TXK: variants seen among roughly 807,000 people sequenced by gnomAD.
TXK encodes tyrosine-protein kinase TXK.
In TXK, 60 loss-of-function variants were observed where a neutral mutation model predicts 81.0. That is an observed-to-expected ratio of 0.74 (90% confidence interval 0.60 to 0.92). The LOEUF (loss-of-function observed/expected upper bound fraction) is 0.92. Among genes scored for constraint, TXK ranks in the 40% least tolerant of loss-of-function variants. TXK has a pLI of 0.00. For synonymous variants in TXK, 203 were observed against 210.7 expected (o/e 0.96, Z 0.32); for missense variants, 581 against 638.3 (o/e 0.91, Z 0.97).
chr4:48,128,772 T>A (rs1473581419), intron 1 of TXK, among the ~76,000 whole-genome samples: 1 of 151,934 alleles, frequency 6.6e-6, no homozygotes, highest in Admixed American at 6.6e-5. Context: ...TTTCACTGTG[T>A]TAGTCAGGAT....
At chr4:48,100,461 A>T (rs971268679) in intron 6 of TXK, among the ~76,000 whole-genome samples, 1 of 152,240 alleles carries the variant, frequency 6.6e-6, no homozygotes, top group Non-Finnish European at 1.5e-5. Context: ...AATGCTTAGC[A>T]TTCCCAGAAT....
intron 5 of TXK, among the ~76,000 whole-genome samples, chr4:48,105,688 A>C (rs1718431415): frequency 6.6e-6 from 1 of 152,194 alleles, no homozygotes; most frequent in Admixed American, 6.5e-5. Context: ...CTAATATAAA[A>C]TTTTTAAAAA....
chr4:48,100,599 T>G (rs1718156242), intron 6 of TXK, among the ~76,000 whole-genome samples: 2 of 152,222 alleles, frequency 1.3e-5, no homozygotes, highest in African/African-American at 2.4e-5. Context: ...GGTAGGCATA[T>G]AAATTGATAC....
At chr4:48,072,245 C>T (rs1407826437) in intron 13 of TXK, among the ~76,000 whole-genome samples, 5 of 152,180 alleles carry the variant, frequency 3.3e-5, no homozygotes, top group African/African-American at 7.2e-5. Context: ...TCAGGTGATT[C>T]GACCACCTCA....
intron 9 of TXK, 26 bp from the exon 10 acceptor site, chr4:48,086,663 C>G (rs1475348101): frequency 2.5e-6 from 4 of 1,603,692 alleles, no homozygotes; most frequent in Admixed American, 3.4e-5. Context: ...ATCCATGTTA[C>G]AAGTAGAAAG....
intron 9 of TXK, 76 bp downstream of exon 9, chr4:48,089,674 G>A (rs1314661908): frequency 2.4e-6 from 3 of 1,245,974 alleles, no homozygotes; most frequent in South Asian, 2.5e-5. Context: ...TTACAGCTGT[G>A]AGCCACCGCA....
At chr4:48,067,854 A>AGGGAGTCCCCTTTATCCCATG in intron 14 of TXK, 149 bp from the exon 15 acceptor site, 1 of 739,940 alleles carries the variant, frequency 1.4e-6, no homozygotes. Context: ...GCAAAAATTC[A>AGGGAGTCCCCTTTATCCCATG]AAAAATTGCC....
At chr4:48,117,213 C>A (rs1228007328) in intron 1 of TXK, among the ~76,000 whole-genome samples, 1 of 152,114 alleles carries the variant, frequency 6.6e-6, no homozygotes, top group Admixed American at 6.5e-5. Flanking sequence ...ATCATATATG[C>A]CCTCTTCCAT....
At chr4:48,087,217 A>G (rs1396506880) in intron 9 of TXK, among the ~76,000 whole-genome samples, 1 of 151,514 alleles carries the variant, frequency 6.6e-6, no homozygotes, top group Non-Finnish European at 1.5e-5. Flanking sequence ...CTCATTTTAT[A>G]GAAGCAAATC....
In TXK at chr4:48,066,449, T is replaced by C. The variant is rs1486939628; in HGVS notation, c.*1188A>G. ...TGTCATTGATATATAAAGATACCAT[T>C]CTTTGAGTGGGGGAAATATAATTTA... On this transcript the variant is annotated 3_prime_UTR_variant, in exon 15 of 15. Transcript: ENST00000264316. The C allele has an allele frequency of 1.3e-5, 2 of 152,178 alleles. No individual in the cohort carries two copies. The highest frequency in any genetic ancestry group is 4.8e-5 in the African/African-American group (2 of 41,434). The allele number at this position is 152,178 out of a possible 1,614,324, so 9.4% of individuals were successfully genotyped here. A position where few individuals can be genotyped will look rare whatever the true frequency, so the allele number is the denominator to read the frequency against.
chr4:48,082,400 G>A (rs1717342678), intron 10 of TXK, among the ~76,000 whole-genome samples: 2 of 152,152 alleles, frequency 1.3e-5, no homozygotes, highest in African/African-American at 2.4e-5. Flanking sequence ...CTACCTGGAA[G>A]TTTCATCTGC....
chr4:48,070,251 C>T (rs1241651395), intron 14 of TXK, among the ~76,000 whole-genome samples: 1 of 152,058 alleles, frequency 6.6e-6, no homozygotes, highest in African/African-American at 2.4e-5. Flanking sequence ...AGTCAGTGCC[C>T]AGAGGTGGAA....
intron 1 of TXK, among the ~76,000 whole-genome samples, chr4:48,132,854 G>A (rs548351686): frequency 6.6e-6 from 1 of 152,138 alleles, no homozygotes; most frequent in Admixed American, 6.5e-5. Context: ...GCTGAGGCAG[G>A]AGAACCACTT....
chr4:48,112,291 C>G lies in TXK; in HGVS notation c.380+16G>C, dbSNP rs747619067. 2 of 1,611,166 alleles carry G rather than the reference C, an allele frequency of 1.2e-6. No individual in the cohort carries two copies. The highest frequency in any genetic ancestry group is 1.7e-6 in the Non-Finnish European group (2 of 1,177,512). Reference sequence around the variant, plus strand: ...TGGAAGAATTGGATACTGACTAAGTCATGTAAGTGTCTTACCCCAAACGGT... The same window carrying G: ...TGGAAGAATTGGATACTGACTAAGTGATGTAAGTGTCTTACCCCAAACGGT... On this transcript the variant is annotated intron_variant, in intron 4 of 14. Coordinates refer to ENST00000264316, the MANE Select transcript of TXK (RefSeq NM_003328.3).
chr4:48,086,816 A>G (rs1717549949), intron 9 of TXK, among the ~76,000 whole-genome samples, 179 bp from the exon 10 acceptor site: 1 of 152,232 alleles, frequency 6.6e-6, no homozygotes, highest in South Asian at 2.1e-4. Context: ...CAAGGACTCA[A>G]GTTTCAAAAC....
intron 3 of TXK, 128 bp downstream of exon 3, chr4:48,113,079 A>C (rs947415991): frequency 9.3e-6 from 5 of 540,422 alleles, no homozygotes; most frequent in Admixed American, 3.3e-5. Flanking sequence ...TTCCTTCACA[A>C]ATTACTGAGC....
At chr4:48,070,023 T>C (rs925798732) in intron 14 of TXK, among the ~76,000 whole-genome samples, 2 of 152,226 alleles carry the variant, frequency 1.3e-5, no homozygotes, top group African/African-American at 4.8e-5. Context: ...ACATTGGGGC[T>C]CTCTATAAAT....
intron 7 of TXK, among the ~76,000 whole-genome samples, chr4:48,094,438 A>C (rs1025214028): frequency 6.6e-6 from 1 of 152,266 alleles, no homozygotes; most frequent in African/African-American, 2.4e-5. Flanking sequence ...TGACAAGACC[A>C]GTGTTCAGAA....
At position 48,114,402 on chromosome 4, in the gene TXK, T is replaced by C. The variant is rs370526938; in HGVS notation, c.17A>G (p.Tyr6Cys). The change falls in exon 2 of 15, where the codon TAT (tyrosine) becomes TGT (cysteine). Residue 6 changes from tyrosine to cysteine, a missense_variant and splice_region_variant. By Grantham distance (194) the Tyr-to-Cys change is radical (BLOSUM62 -2). Transcript: ENST00000264316. MILSS[Y>C]NTIQSVFCCC... is the part of the protein sequence containing the mutation. ...ACAGAAAACCGACTGGATGGTGTTA[T>C]CTGAAAAGCAGATCATTTCTCAGCT... 3 of 1,614,006 alleles carry C rather than the reference T, an allele frequency of 1.9e-6. No individual in the cohort carries two copies. In the African/African-American group the frequency reaches 4.0e-5, roughly 22 times the overall value.
Sources: gnomAD v4.1 joint callset for allele counts (sites outside exome capture counted in the v4.1 genomes callset) on GRCh38, gnomAD v4.1.1 for gene constraint, MANE v1.5 for transcripts, NCBI Gene and HGNC (gene_info 2026-07-23, HGNC 2026-07-21) for gene names.